The following IGF2BP3 variants were observed in gnomAD, a reference collection of about 807,000 sequenced individuals.
The protein encoded by IGF2BP3 is insulin like growth factor 2 mRNA binding protein 3, also known as insulin-like growth factor 2 mRNA-binding protein 3.
Under a neutral mutation model 73.8 loss-of-function variants are expected in IGF2BP3, and 9 were observed. That is an observed-to-expected ratio of 0.12 (90% CI 0.07 to 0.21). The LOEUF (loss-of-function observed/expected upper bound fraction) is 0.21. IGF2BP3 is among the 10% of genes least tolerant of loss of function. IGF2BP3 has a pLI of 1.00. For missense variants in IGF2BP3, 542 were observed against 714.0 expected, an observed-to-expected ratio of 0.76 and a Z score of 2.75; for synonymous variants, 258 against 256.7, an observed-to-expected ratio of 1.01 and a Z score of -0.05.
At chr7:23,462,284 A>T (rs1337498711) in intron 2 of IGF2BP3, among the ~76,000 whole-genome samples, 1 of 152,216 alleles carries the variant, frequency 6.6e-6, no homozygotes, top group South Asian at 2.1e-4. Context: ...AACAACTAAT[A>T]ATAATGCAAT....
chr7:23,323,460 C>T (rs1229548428), intron 10 of IGF2BP3, among the ~76,000 whole-genome samples: 21 of 145,630 alleles, frequency 1.4e-4, no homozygotes, highest in African/African-American at 5.3e-4. Context: ...GACTCCCACA[C>T]ATTAATAATG....
At chr7:23,342,488 T>C (rs1259525521) in intron 9 of IGF2BP3, among the ~76,000 whole-genome samples, 1 of 152,200 alleles carries the variant, frequency 6.6e-6, no homozygotes, top group Non-Finnish European at 1.5e-5. Context: ...CAAAACCGTA[T>C]TCTGCATGCT....
chr7:23,454,145 C>T (rs923462722), intron 2 of IGF2BP3, among the ~76,000 whole-genome samples: 5 of 152,176 alleles, frequency 3.3e-5, no homozygotes, highest in African/African-American at 1.2e-4. Context: ...CACAGACTGA[C>T]TTTTCAGCTG....
At chr7:23,453,759 T>C (rs1378585229) in intron 2 of IGF2BP3, among the ~76,000 whole-genome samples, 1 of 152,268 alleles carries the variant, frequency 6.6e-6, no homozygotes, top group Non-Finnish European at 1.5e-5. Context: ...GCCAATCTTA[T>C]TCATTTTTCT....
chr7:23,362,709 T>G lies in IGF2BP3; in HGVS notation c.286-968A>C, dbSNP rs189875395. The stretch of plus-strand genomic sequence containing the variant: ...AAACAAAGTAAGTTTCTGTAAATTA[T>G]AGCAAATTACTTACTCATCAGTTTA... On this transcript the variant is annotated intron_variant, in intron 3 of 14. Transcript: ENST00000258729. 3.3e-5 allele frequency: 5 copies of G among 152,350 alleles called. No individual in the cohort carries two copies. The East Asian group carries it at 9.6e-4, about 29-fold the overall frequency. The allele number at this position is 152,350 out of a possible 1,614,324, so 9.4% of individuals were successfully genotyped here.
At chr7:23,375,745 C>T (rs1395595599) in intron 3 of IGF2BP3, among the ~76,000 whole-genome samples, 2 of 152,026 alleles carry the variant, frequency 1.3e-5, no homozygotes, top group Non-Finnish European at 2.9e-5. Context: ...CAGATGCTGG[C>T]ATTTTACCCA....
intron 2 of IGF2BP3, among the ~76,000 whole-genome samples, chr7:23,436,447 G>A (rs1287924150): frequency 6.6e-6 from 1 of 152,138 alleles, no homozygotes; most frequent in Admixed American, 6.6e-5. Context: ...GATCAGTATA[G>A]GAGGATTTAT....
At chr7:23,325,708 C>T (rs921595894) in intron 10 of IGF2BP3, among the ~76,000 whole-genome samples, 1 of 152,188 alleles carries the variant, frequency 6.6e-6, no homozygotes, top group Non-Finnish European at 1.5e-5. Flanking sequence ...CAGCATGGGA[C>T]TGGTACCAAA....
intron 2 of IGF2BP3, among the ~76,000 whole-genome samples, chr7:23,423,345 A>C (rs1787404927): frequency 6.6e-6 from 1 of 152,234 alleles, no homozygotes; most frequent in East Asian, 1.9e-4. Flanking sequence ...TTCTTTGGTC[A>C]TGTTCCATCT....
chr7:23,322,288 A>G (rs541184685), intron 10 of IGF2BP3, among the ~76,000 whole-genome samples: 2 of 152,366 alleles, frequency 1.3e-5, no homozygotes, highest in South Asian at 4.1e-4. Flanking sequence ...AAGCCTCAGG[A>G]GCCGATGTGA....
chr7:23,451,926 C>T (rs981350418), intron 2 of IGF2BP3, among the ~76,000 whole-genome samples: 23 of 137,558 alleles, frequency 1.7e-4, no homozygotes, highest in African/African-American at 6.4e-4. Flanking sequence ...CCAGCCTGGG[C>T]GACAGAGCAA....
chr7:23,388,329 T>C (rs1367224022), intron 3 of IGF2BP3, among the ~76,000 whole-genome samples: 1 of 152,188 alleles, frequency 6.6e-6, no homozygotes. Flanking sequence ...AGAAAAACTT[T>C]CTCCTTTATC....
At chr7:23,319,301 C>A (rs375942014) in intron 10 of IGF2BP3, 47 bp from the exon 11 acceptor site, 2 of 1,291,202 alleles carry the variant, frequency 1.5e-6, no homozygotes, top group South Asian at 2.5e-5. Context: ...TGCTACAAAT[C>A]AGGCTTTTGT....
chr7:23,414,114 C>A (rs1033649919), intron 3 of IGF2BP3: 3 of 151,742 alleles, frequency 2.0e-5, no homozygotes, highest in African/African-American at 4.9e-5. Context: ...TGTGCCACTG[C>A]ACTCCAACCT....
intron 10 of IGF2BP3, among the ~76,000 whole-genome samples, chr7:23,321,700 T>C (rs1784156867): frequency 6.6e-6 from 1 of 152,108 alleles, no homozygotes; most frequent in Admixed American, 6.5e-5. Flanking sequence ...AGAGCAGTGG[T>C]TCTCCCAGCA....
intron 10 of IGF2BP3, among the ~76,000 whole-genome samples, chr7:23,335,612 G>A (rs1784554246): frequency 6.6e-6 from 1 of 152,038 alleles, no homozygotes; most frequent in African/African-American, 2.4e-5. Context: ...GCCTAAAAAA[G>A]TGCTAATCTC....
intron 5 of IGF2BP3, among the ~76,000 whole-genome samples, chr7:23,360,996 C>G (rs1254489241): frequency 6.6e-6 from 1 of 152,192 alleles, no homozygotes; most frequent in East Asian, 1.9e-4. Flanking sequence ...ACTGTTTGAT[C>G]TGTCAAGTAT....
In IGF2BP3 at chr7:23,343,752, C is replaced by G. The variant is rs1398290060; in HGVS notation, c.1043G>C (p.Arg348Thr). The G allele has an allele frequency of 6.2e-7, 1 of 1,612,526 alleles. No homozygotes were observed. The highest frequency in any genetic ancestry group is 8.5e-7 in the Non-Finnish European group (1 of 1,179,592). ...KAEEEIMKKI[R>T]ESYENDIASM... ...AGCAATATCATTTTCATAAGACTCC[C>G]TGATTTTCTTCATGATCTCCTCCTC... is the stretch of plus-strand genomic sequence containing the variant. The change falls in exon 9 of 15, where the codon AGG becomes ACG. Residue 348 changes from arginine (R) to threonine (T), a missense_variant. By Grantham distance (71) the Arg-to-Thr change is moderately conservative. Transcript: ENST00000258729.
intron 3 of IGF2BP3, 66 bp from the exon 4 acceptor site, chr7:23,361,807 A>G (rs549251337): frequency 8.7e-6 from 12 of 1,379,720 alleles, no homozygotes; most frequent in African/African-American, 2.9e-5. Flanking sequence ...GGGCAGGAAT[A>G]TGTCTTAAAA....
Sources: allele counts gnomAD v4.1 joint callset (sites outside exome capture counted in the v4.1 genomes callset), GRCh38; gene constraint gnomAD v4.1.1; transcripts MANE v1.5; gene names NCBI Gene and HGNC (gene_info 2026-07-23, HGNC 2026-07-21).